Variants in DEPDC4 observed in about 807,000 individuals in gnomAD.
DEPDC4 encodes DEP domain-containing protein 4.
DEPDC4 carries 52 observed loss-of-function variants against 52.0 expected under a neutral mutation model. That is an observed-to-expected ratio of 1.00 (90% CI 0.80 to 1.26). The LOEUF (loss-of-function observed/expected upper bound fraction) is 1.26, where lower values mean the gene tolerates loss of function less well. DEPDC4 is among the 50% of genes most tolerant of loss of function. The probability of loss-of-function intolerance (pLI) is 0.00; values close to 1 mark genes in which losing one functional copy is unlikely to be tolerated. For synonymous variants in DEPDC4, 201 were observed against 196.8 expected, an observed-to-expected ratio of 1.02 and a Z score of -0.18; for missense variants, 530 against 546.9, an observed-to-expected ratio of 0.97 and a Z score of 0.31.
intron 8 of DEPDC4, among the ~76,000 whole-genome samples, chr12:100,244,087 C>CTGTATATATATATA (rs1232632811): frequency 6.8e-5 from 2 of 29,430 alleles, no homozygotes; most frequent in African/African-American, 1.3e-4. Context: ...CTCTCTCTCT[C>CTGTATATATATATA]TCTCTGTGTA....
At chr12:100,233,579 C>T (rs1223648585) in intron 9 of DEPDC4, among the ~76,000 whole-genome samples, 1 of 152,136 alleles carries the variant, frequency 6.6e-6, no homozygotes, top group Non-Finnish European at 1.5e-5. Context: ...TTTATGTCTC[C>T]TACATCATAC....
At chr12:100,245,073 T>C (rs2096179485) in intron 8 of DEPDC4, among the ~76,000 whole-genome samples, 1 of 151,862 alleles carries the variant, frequency 6.6e-6, no homozygotes, top group Admixed American at 6.6e-5. Flanking sequence ...GGTTTCACTA[T>C]GTTGGCCAGG....
downstream of DEPDC4, among the ~76,000 whole-genome samples, chr12:100,235,365 T>G (rs75034708): frequency 7.0e-6 from 1 of 143,222 alleles, no homozygotes; most frequent in Non-Finnish European, 1.6e-5. Context: ...TTTTTTTTTT[T>G]TTATTCTCTT....
At chr12:100,244,266 T>C (rs962566579) in intron 8 of DEPDC4, among the ~76,000 whole-genome samples, 32 of 151,300 alleles carry the variant, frequency 2.1e-4, no homozygotes, top group Admixed American at 5.3e-4. Context: ...CTGCAAGCTC[T>C]GCCTCCTAGG....
Position 100,241,861 on chromosome 12 carries a change from A to C in DEPDC4, c.*47-16T>G, listed in dbSNP as rs578153119. The C allele has an allele frequency of 4.0e-5, 48 of 1,199,592 alleles. No individual in the cohort carries two copies. Among genetic ancestry groups the C allele is most frequent in the Middle Eastern group, 2.3e-4 (1 of 4,308 alleles). The allele number at this position is 1,199,592 out of a possible 1,614,324, so 74.3% of individuals were successfully genotyped here. A position where few individuals can be genotyped will look rare whatever the true frequency, so the allele number is the denominator to read the frequency against. ...AACGTAAAGCCTGGAAAAAAAAAAA[A>C]AAAACAAAAGAAAAAGAAAAGTACC... On this transcript the variant is annotated splice_polypyrimidine_tract_variant and intron_variant, in intron 9 of 9. Transcript: ENST00000550587.
In DEPDC4 at chr12:100,252,190, A is replaced by G; in HGVS notation, c.1360T>C (p.Ser454Pro). Reference sequence around the variant, plus strand: ...GCCAGAGATACCTTGAAGAGCTCAGAGTGGTACTCCAGTGGAAACCAGACC... The same window carrying G: ...GCCAGAGATACCTTGAAGAGCTCAGGGTGGTACTCCAGTGGAAACCAGACC... ...QLVWFPLEYHSELFKTPVTLL... is the reference protein window; with the variant it reads ...QLVWFPLEYHPELFKTPVTLL... The change falls in exon 7 of 10, where the codon TCT (serine) becomes CCT (proline). Residue 454 changes from serine to proline, a missense_variant. Ser to Pro is a moderately conservative substitution (Grantham distance 74). Transcript: ENST00000550587. The G allele has an allele frequency of 8.0e-7, 1 of 1,255,064 alleles. No individual in the cohort carries two copies. Among genetic ancestry groups the G allele is most frequent in the Non-Finnish European group, 1.0e-6 (1 of 989,226 alleles). 77.7% of individuals were successfully genotyped at this position (1,255,064 alleles called of 1,614,324 possible).
At chr12:100,265,178 C>T (rs1024307056) in intron 1 of DEPDC4, among the ~76,000 whole-genome samples, 3 of 152,066 alleles carry the variant, frequency 2.0e-5, no homozygotes, top group Non-Finnish European at 4.4e-5. Flanking sequence ...CCTATAGTCC[C>T]AGCTGCTCAG....
chr12:100,253,649 T>C lies in DEPDC4; in HGVS notation c.945A>G (p.Thr315=). ...TGTTTTGCATTAACTGCTGACTAAC[T>C]GTAACTATTAACTGGTCAGGGAAAT... is the stretch of plus-strand genomic sequence containing the variant. ...LEYFPDQLIV[T]VSQQLMQNRN... is the part of the protein sequence containing the mutation. The change falls in exon 5 of 10, where the codon ACA becomes ACG. Residue 315 remains threonine (T), a synonymous_variant. Transcript: ENST00000550587. 3 of 1,289,960 alleles carry C rather than the reference T, an allele frequency of 2.3e-6. No homozygotes were observed. Among genetic ancestry groups the C allele is most frequent in the Non-Finnish European group, 3.0e-6 (3 of 988,920 alleles). The allele number at this position is 1,289,960 out of a possible 1,614,324, so 79.9% of individuals were successfully genotyped here.
At chr12:100,235,575 CT>C (rs559958759), downstream of DEPDC4, among the ~76,000 whole-genome samples, 13,054 of 144,828 alleles carry the variant, frequency 0.09, 602 homozygotes, top group Middle Eastern at 0.17. Context: ...CTGTATCATT[CT>C]TTTTTTTTTT....
the DEPDC4 span, among the ~76,000 whole-genome samples, chr12:100,277,256 G>GT: frequency 4.6e-5 from 7 of 152,300 alleles, no homozygotes; most frequent in Admixed American, 3.9e-4. Context: ...TTTGTAGAGT[G>GT]TGTGTTTTAG....
At chr12:100,269,602 A>G (rs376061161), upstream of DEPDC4, among the ~76,000 whole-genome samples, 1 of 152,170 alleles carries the variant, frequency 6.6e-6, no homozygotes, top group Non-Finnish European at 1.5e-5. Flanking sequence ...TATAACAATC[A>G]CTTGAGGTAT....
At chr12:100,246,558 A>G (rs1042681369) in intron 8 of DEPDC4, among the ~76,000 whole-genome samples, 3 of 152,210 alleles carry the variant, frequency 2.0e-5, no homozygotes, top group African/African-American at 7.2e-5. Flanking sequence ...ATAGAGATTC[A>G]AAAAATGTTA....
chr12:100,253,171 G>A (rs997796154), intron 5 of DEPDC4, among the ~76,000 whole-genome samples: 3 of 152,170 alleles, frequency 2.0e-5, no homozygotes, highest in Non-Finnish European at 4.4e-5. Flanking sequence ...ACCCGCCTTG[G>A]CCTCCCAAAG....
At chr12:100,271,097 T>A (rs1469437933), upstream of DEPDC4, among the ~76,000 whole-genome samples, 2 of 152,076 alleles carry the variant, frequency 1.3e-5, no homozygotes, top group Non-Finnish European at 2.9e-5. Context: ...TTAAACATGA[T>A]TTCTGTATAG....
At chr12:100,231,810 T>C (rs897479038) in intron 9 of DEPDC4, among the ~76,000 whole-genome samples, 1 of 152,052 alleles carries the variant, frequency 6.6e-6, no homozygotes, top group Non-Finnish European at 1.5e-5. Flanking sequence ...GCAGGTGTGG[T>C]GGGTCACGCT....
chr12:100,252,648 T>C, intron 5 of DEPDC4, 112 bp from the exon 6 acceptor site: 1 of 1,057,536 alleles, frequency 9.5e-7, no homozygotes. Flanking sequence ...GTTTGCAGGT[T>C]CTTTTCTACA....
In DEPDC4 at chr12:100,256,569, ATTAT is replaced by A. The variant is rs199769860; in HGVS notation, c.701-347_701-344del. 8.1e-4 allele frequency among the ~76,000 whole-genome samples: 123 copies of A among 151,998 alleles called. 1 individual carries two copies. In the East Asian group the frequency reaches 0.02, roughly 24 times the overall value. On this transcript the variant is annotated intron_variant, in intron 3 of 9. Transcript: ENST00000550587. The stretch of plus-strand genomic sequence containing the variant: ...CACATCTGAGAGAATGAGATTACTA[ATTAT>A]TTATCTTTCTATTTATAGCAACATA...
chr12:100,265,534 G>C (rs1400631677), intron 1 of DEPDC4, among the ~76,000 whole-genome samples: 1 of 152,158 alleles, frequency 6.6e-6, no homozygotes, highest in Admixed American at 6.5e-5. Flanking sequence ...GGTGGAGGTT[G>C]CGGTGAGCCG....
the DEPDC4 span, among the ~76,000 whole-genome samples, chr12:100,273,288 C>T: frequency 6.6e-6 from 1 of 152,134 alleles, no homozygotes; most frequent in Non-Finnish European, 1.5e-5. Flanking sequence ...TATTCTCTAT[C>T]CAGTTTACTC....
Sources: allele counts gnomAD v4.1 joint callset (sites outside exome capture counted in the v4.1 genomes callset), GRCh38; gene constraint gnomAD v4.1.1; transcripts MANE v1.5; gene names NCBI Gene and HGNC (gene_info 2026-07-23, HGNC 2026-07-21).